The following FOXR1 variants were observed in gnomAD, a reference collection of about 807,000 sequenced individuals.
FOXR1 encodes the protein forkhead box R1, also known as forkhead box protein R1.
Under a neutral mutation model 34.5 loss-of-function variants are expected in FOXR1, and 25 were observed. The ratio of observed to expected loss-of-function variants is 0.72; its 90% CI spans 0.53 to 1.01. The LOEUF is 1.01. Ranked by LOEUF, FOXR1 falls within the 50% of genes least tolerant of loss-of-function variation. The pLI, the probability that FOXR1 is intolerant of heterozygous loss-of-function variation, is 0.00. For missense variants in FOXR1, 373 were observed against 376.2 expected (o/e 0.99, Z 0.07); for synonymous variants, 153 against 141.6 (o/e 1.08, Z -0.57).
At chr11:118,972,072 G>C (rs878872464) in intron 1 of FOXR1, 80 bp downstream of exon 1, 8 of 1,197,358 alleles carry the variant, frequency 6.7e-6, no homozygotes, top group Non-Finnish European at 9.1e-6. Context: ...CGGGGCAGAC[G>C]GCTCCCCAGC....
At position 118,971,944 on chromosome 11, in the gene FOXR1, C is replaced by A; in HGVS notation, c.13C>A (p.Leu5Ile). The A allele has an allele frequency of 6.4e-7, 1 of 1,555,514 alleles. No homozygotes were observed. Among genetic ancestry groups the A allele is most frequent in the Non-Finnish European group, 8.7e-7 (1 of 1,148,892 alleles). MGNE[L>I]FLAFTTSHLP... ...GCTGGACTGGGACATGGGGAACGAG[C>A]TCTTTCTGGCCTTCACCACATCTCA... Residue 5 changes from leucine (L) to isoleucine (I), a missense_variant, in exon 1 of 6, where the codon CTC becomes ATC. Transcript: ENST00000317011.
chr11:118,973,688 C>T (rs1398396899), intron 1 of FOXR1, among the ~76,000 whole-genome samples: 4 of 146,038 alleles, frequency 2.7e-5, no homozygotes, highest in Non-Finnish European at 6.0e-5. Flanking sequence ...AGCCACCGCA[C>T]CCGGCCTTCT....
chr11:118,979,964 A>C (rs191067033), intron 4 of FOXR1, among the ~76,000 whole-genome samples: 127 of 152,236 alleles, frequency 8.3e-4, no homozygotes, highest in African/African-American at 2.7e-3. Context: ...CATCCTCTGA[A>C]GATCAGCCAG....
At chr11:118,972,130 C>CA (rs1555180673) in intron 1 of FOXR1, 138 bp downstream of exon 1, 9 of 247,776 alleles carry the variant, frequency 3.6e-5, no homozygotes, top group Non-Finnish European at 4.7e-5. Context: ...GCGCCCCGCG[C>CA]CCCCCCCCCC....
intron 1 of FOXR1, among the ~76,000 whole-genome samples, chr11:118,972,210 T>TG (rs1001534223): frequency 4.0e-5 from 4 of 101,150 alleles, no homozygotes; most frequent in African/African-American, 1.6e-4. Flanking sequence ...GTTTGGGGGG[T>TG]GGGGGGGTTC....
chr11:118,975,180 G>A (rs1359064885), intron 1 of FOXR1, among the ~76,000 whole-genome samples: 7 of 152,124 alleles, frequency 4.6e-5, no homozygotes, highest in African/African-American at 1.2e-4. Context: ...AAACTAGGGC[G>A]TCTGTGGTAT....
At chr11:118,977,066 T>C (rs150143118) in intron 1 of FOXR1, among the ~76,000 whole-genome samples, 3,006 of 152,304 alleles carry the variant, frequency 0.02, 96 homozygotes, top group African/African-American at 0.069. Flanking sequence ...AGTCTTGCTG[T>C]GTCACCTAGG....
Position 118,979,623 on chromosome 11 carries a change from G to T in FOXR1, c.566G>T (p.Ser189Ile). ...FHLIALALRNSSPCGLNVQQI... is the reference protein window; with the variant it reads ...FHLIALALRNISPCGLNVQQI... ...CTAATTGCCCTGGCATTAAGAAACA[G>T]TTCCCCCTGTGGCCTCAACGTGCAA... Residue 189 changes from serine (S) to isoleucine (I), a missense_variant, in exon 4 of 6, where the codon AGT (serine) becomes ATT (isoleucine). By Grantham distance (142) the Ser-to-Ile change is moderately radical. Coordinates refer to ENST00000317011, the MANE Select transcript of FOXR1 (RefSeq NM_181721.3). The T allele has an allele frequency of 6.2e-7, 1 of 1,611,784 alleles. No homozygotes were observed. The highest frequency in any genetic ancestry group is 8.5e-7 in the Non-Finnish European group (1 of 1,178,958).
intron 1 of FOXR1, among the ~76,000 whole-genome samples, chr11:118,975,585 G>A (rs962274978): frequency 1.2e-4 from 19 of 152,006 alleles, no homozygotes; most frequent in African/African-American, 4.6e-4. Flanking sequence ...AGCAGGCTGA[G>A]ATTACAAGCA....
chr11:118,976,219 A>C (rs61902069), intron 1 of FOXR1, among the ~76,000 whole-genome samples: 68,157 of 152,062 alleles, frequency 0.45, 15,843 homozygotes, highest in Admixed American at 0.57. Flanking sequence ...TTTTTGAAGC[A>C]AGGTCTGGCT....
At chr11:118,977,512 C>T (rs1941793627) in intron 1 of FOXR1, among the ~76,000 whole-genome samples, 1 of 152,036 alleles carries the variant, frequency 6.6e-6, no homozygotes, top group Non-Finnish European at 1.5e-5. Context: ...GCCGGTGTCA[C>T]ACCACTGCAC....
At chr11:118,976,853 G>GT (rs1565646037) in intron 1 of FOXR1, among the ~76,000 whole-genome samples, 1 of 152,076 alleles carries the variant, frequency 6.6e-6, no homozygotes, top group African/African-American at 2.4e-5. Context: ...TAGCCATTCA[G>GT]TTATCCCCTC....
chr11:118,975,029 G>A (rs1482473266), intron 1 of FOXR1, among the ~76,000 whole-genome samples: 2 of 152,138 alleles, frequency 1.3e-5, no homozygotes, highest in Non-Finnish European at 2.9e-5. Flanking sequence ...GACTGCAGAT[G>A]TAAATTTTGG....
At chr11:118,976,423 A>G (rs1228810841) in intron 1 of FOXR1, among the ~76,000 whole-genome samples, 1 of 152,136 alleles carries the variant, frequency 6.6e-6, no homozygotes, top group East Asian at 1.9e-4. Context: ...GCTGATTTCA[A>G]ACTCCTGGGC....
chr11:118,972,140 C>A (rs1421553224), intron 1 of FOXR1, 148 bp downstream of exon 1: 14 of 696,548 alleles, frequency 2.0e-5, no homozygotes, highest in Admixed American at 6.1e-5. Flanking sequence ...CCCCCCCCCC[C>A]CGACGGCTTA....
chr11:118,978,324 C>T (rs1329333864), intron 1 of FOXR1, among the ~76,000 whole-genome samples: 2 of 151,176 alleles, frequency 1.3e-5, no homozygotes, highest in Non-Finnish European at 2.9e-5. Flanking sequence ...CACTGCACTC[C>T]AGCCTGTGCA....
At chr11:118,974,072 G>A (rs544373462) in intron 1 of FOXR1, among the ~76,000 whole-genome samples, 1 of 152,302 alleles carries the variant, frequency 6.6e-6, no homozygotes, top group Non-Finnish European at 1.5e-5. Flanking sequence ...TAGTTGATAG[G>A]AGGGGTGGAG....
At chr11:118,973,476 G>C (rs983425912) in intron 1 of FOXR1, among the ~76,000 whole-genome samples, 1 of 151,848 alleles carries the variant, frequency 6.6e-6, no homozygotes, top group African/African-American at 2.4e-5. Context: ...GCAGTGGTGC[G>C]ATCTCCTCTG....
In FOXR1 at chr11:118,972,143, A is replaced by G. The variant is rs1345795343; in HGVS notation, c.61+151A>G. ...GAGCGCCCCGCGCCCCCCCCCCCCG[A>G]CGGCTTAGCTCCGCCGCCCCCGCTC... On this transcript the variant is annotated intron_variant, in intron 1 of 5. Coordinates refer to ENST00000317011, the MANE Select transcript of FOXR1 (RefSeq NM_181721.3). The G allele has an allele frequency of 9.3e-6, 5 of 539,342 alleles. No individual in the cohort carries two copies. The African/African-American group carries it at 1.0e-4, about 11-fold the overall frequency. The allele number at this position is 539,342 out of a possible 1,614,324, so 33.4% of individuals were successfully genotyped here.
Sources: allele counts gnomAD v4.1 joint callset (sites outside exome capture counted in the v4.1 genomes callset), GRCh38; gene constraint gnomAD v4.1.1; transcripts MANE v1.5; gene names NCBI Gene and HGNC (gene_info 2026-07-23, HGNC 2026-07-21).